The following AR variants were observed in gnomAD, a reference collection of about 807,000 sequenced individuals.
AR encodes the protein dihydrotestosterone receptor.
AR carries 8 observed loss-of-function variants against 53.9 expected under a neutral mutation model. The observed-to-expected ratio is 0.15, with a 90% confidence interval of 0.09 to 0.27. AR has a LOEUF of 0.27. Among genes scored for constraint, AR ranks in the 10% least tolerant of loss-of-function variants. The probability of loss-of-function intolerance (pLI) is 1.00; values close to 1 mark genes in which losing one functional copy is unlikely to be tolerated. For missense variants in AR, 639 were observed against 742.5 expected (o/e 0.86, Z 1.62); for synonymous variants, 359 against 316.4 (o/e 1.13, Z -1.43).
intron 1 of AR, among the ~76,000 whole-genome samples, chrX:67,585,900 A>G (rs1465341808): frequency 1.8e-5 from 2 of 111,987 alleles, no homozygotes; most frequent in Non-Finnish European, 3.8e-5. Context: ...GTGAAAAACA[A>G]AGAAAGTTAA....
rs1569265039 is a variant in AR at position 67,546,511 on chromosome X, TGGTGGCGGCGGC to T, written c.1368_1379del (p.Gly470_Gly473del). 7.8e-6 allele frequency: 4 copies of T among 510,945 alleles called. No homozygotes were observed. In the South Asian group the frequency reaches 1.9e-4, roughly 24 times the overall value. The allele number at this position is 510,945 out of a possible 1,213,427, so 42.1% of individuals were successfully genotyped here. On this transcript the variant is annotated inframe_deletion, in exon 1 of 8. Transcript: ENST00000374690. ...ATGGACCGTGTGGTGGTGGTGGGGG[TGGTGGCGGCGGC>T]GGCGGCGGCGGCGGCGGCGGCGGCG...
In AR at chrX:67,706,412, T is replaced by G. The variant is rs1453435964; in HGVS notation, c.1886-4990T>G. 3.6e-5 allele frequency among the ~76,000 whole-genome samples: 4 copies of G among 112,248 alleles called. No individual in the cohort carries two copies. The East Asian group carries it at 8.4e-4, about 23-fold the overall frequency. ...TGTCGAGGAATTTATCCATTTCTTC[T>G]AGATTTTCTAGTTTATTTGCATAGA... is the stretch of plus-strand genomic sequence containing the variant. On this transcript the variant is annotated intron_variant, in intron 3 of 7. Transcript: ENST00000374690.
Position 67,725,112 on chromosome X carries a change from C to T in AR, c.*1271C>T, listed in dbSNP as rs2076152597. 1 of 174,100 alleles carries T rather than the reference C, an allele frequency of 5.7e-6. No homozygotes were observed. Among genetic ancestry groups the T allele is most frequent in the African/African-American group, 3.0e-5 (1 of 33,882 alleles). The allele number at this position is 174,100 out of a possible 1,213,427, so 14.3% of individuals were successfully genotyped here. A position where few individuals can be genotyped will look rare whatever the true frequency, so the allele number is the denominator to read the frequency against. The stretch of plus-strand genomic sequence containing the variant: ...TGTCCTCCCTTCAGTGTTTTGTGGG[C>T]CTGAATTTCATCACACTGCATTTCA... On this transcript the variant is annotated 3_prime_UTR_variant, in exon 8 of 8. Coordinates refer to ENST00000374690, the MANE Select transcript of AR (RefSeq NM_000044.6).
chrX:67,621,669 T>A (rs1228271780), intron 1 of AR, among the ~76,000 whole-genome samples: 1 of 111,420 alleles, frequency 9.0e-6, no homozygotes, highest in Non-Finnish European at 1.9e-5. Context: ...TCATCCATGT[T>A]CTTTCAAAGG....
At chrX:67,696,604 C>T (rs979303926) in intron 3 of AR, among the ~76,000 whole-genome samples, 9 of 112,103 alleles carry the variant, frequency 8.0e-5, no homozygotes, top group African/African-American at 2.9e-4. Context: ...GGCCATTTCT[C>T]TGACCCAGAA....
chrX:67,674,196 CCT>C (rs1438501383), intron 2 of AR, among the ~76,000 whole-genome samples: 3 of 107,454 alleles, frequency 2.8e-5, no homozygotes, highest in Non-Finnish European at 5.8e-5. Flanking sequence ...TCTCTCTCTC[CCT>C]CTCATTCTCT....
intron 1 of AR, among the ~76,000 whole-genome samples, chrX:67,552,111 C>A (rs1158710416): frequency 8.9e-6 from 1 of 111,942 alleles, no homozygotes; most frequent in Non-Finnish European, 1.9e-5. Flanking sequence ...AGTTGTGCAA[C>A]CATTATTGCA....
chrX:67,631,084 A>C (rs1018597334), intron 1 of AR, among the ~76,000 whole-genome samples: 1 of 110,318 alleles, frequency 9.1e-6, no homozygotes, highest in Non-Finnish European at 1.9e-5. Flanking sequence ...TTTTTCCTTC[A>C]TTTCAACTTT....
At chrX:67,671,254 AC>A (rs1238750988) in intron 2 of AR, among the ~76,000 whole-genome samples, 1 of 111,433 alleles carries the variant, frequency 9.0e-6, no homozygotes, top group Admixed American at 9.5e-5. Context: ...TCAAATCCTC[AC>A]CAGCATCTGT....
chrX:67,629,736 T>A (rs1364176473), intron 1 of AR, among the ~76,000 whole-genome samples: 1 of 109,536 alleles, frequency 9.1e-6, no homozygotes, highest in Non-Finnish European at 1.9e-5. Flanking sequence ...TGTTAGGGTG[T>A]CAATTTTGGA....
intron 3 of AR, among the ~76,000 whole-genome samples, chrX:67,693,751 G>A (rs2076006551): frequency 9.0e-6 from 1 of 111,599 alleles, no homozygotes; most frequent in African/African-American, 3.3e-5. Context: ...AAATTGCATC[G>A]CTATCCTGCA....
rs1190539283 is a variant in AR, at chrX:67,725,163, T to G, written c.*1322T>G. ...GCCATGGTCATCAAGCCTGTTTGCTTCTTTTGGGCATGTTCACAGATTCTC... is the reference window on the plus strand; with the variant it reads ...GCCATGGTCATCAAGCCTGTTTGCTGCTTTTGGGCATGTTCACAGATTCTC... On this transcript the variant is annotated 3_prime_UTR_variant, in exon 8 of 8. Coordinates refer to ENST00000374690, the MANE Select transcript of AR (RefSeq NM_000044.6). The G allele has an allele frequency of 6.3e-5, 11 of 174,425 alleles. No homozygotes were observed. Among genetic ancestry groups the G allele is most frequent in the East Asian group, 4.9e-4 (6 of 12,336 alleles). 14.4% of individuals were successfully genotyped at this position (174,425 alleles called of 1,213,427 possible). A position where few individuals can be genotyped will look rare whatever the true frequency, so the allele number is the denominator to read the frequency against.
chrX:67,630,293 A>C (rs1204865831), intron 1 of AR, among the ~76,000 whole-genome samples: 2 of 110,982 alleles, frequency 1.8e-5, no homozygotes, highest in Admixed American at 9.5e-5. Context: ...GTAGGTCACT[A>C]AGGACTTGCT....
rs770347814 is a variant in AR at position 67,657,202 on chromosome X, A to G, written c.1768+13795A>G. On this transcript the variant is annotated intron_variant, in intron 2 of 7. Coordinates refer to ENST00000374690, the MANE Select transcript of AR (RefSeq NM_000044.6). The stretch of plus-strand genomic sequence containing the variant: ...AAGATTAGTGCTTGTTTCCCACCCA[A>G]GGATACCAGGATATTTCAGGGGCTG... Among the ~76,000 whole-genome samples the G allele has an allele frequency of 3.6e-5, 4 of 111,196 alleles. No individual in the cohort carries two copies. In the East Asian group the frequency reaches 1.1e-3, roughly 32 times the overall value.
intron 1 of AR, among the ~76,000 whole-genome samples, chrX:67,571,042 A>G (rs1028297261): frequency 2.7e-5 from 3 of 111,060 alleles, no homozygotes; most frequent in Admixed American, 9.5e-5. Flanking sequence ...TGCTGTGACC[A>G]TATAAGGAAG....
rs1657436119 is a variant in AR at position 67,544,687 on chromosome X, T to G, written c.-460T>G. 5.9e-6 allele frequency: 1 copy of G among 170,326 alleles called. No homozygotes were observed. Among genetic ancestry groups the G allele is most frequent in the African/African-American group, 3.1e-5 (1 of 32,566 alleles). The allele number at this position is 170,326 out of a possible 1,213,427, so 14.0% of individuals were successfully genotyped here. A position where few individuals can be genotyped will look rare whatever the true frequency, so the allele number is the denominator to read the frequency against. On this transcript the variant is annotated 5_prime_UTR_variant, in exon 1 of 8. Coordinates refer to ENST00000374690, the MANE Select transcript of AR (RefSeq NM_000044.6). ...CTCCTCCTGCCTTCCCCACCCCGAGTGCGGAGCCAGAGATCAAAAGATGAA... is the reference window on the plus strand; with the variant it reads ...CTCCTCCTGCCTTCCCCACCCCGAGGGCGGAGCCAGAGATCAAAAGATGAA...
chrX:67,576,786 G>A (rs1321411756), intron 1 of AR, among the ~76,000 whole-genome samples: 1 of 110,603 alleles, frequency 9.0e-6, no homozygotes, highest in Admixed American at 9.6e-5. Context: ...GGATATGGTG[G>A]AATACCTTTT....
chrX:67,646,670 T>C (rs1377975120), intron 2 of AR, among the ~76,000 whole-genome samples: 2 of 111,013 alleles, frequency 1.8e-5, no homozygotes, highest in African/African-American at 3.3e-5. Context: ...GTTTTAGTTG[T>C]GTAGACTTGG....
intron 1 of AR, among the ~76,000 whole-genome samples, chrX:67,553,420 T>C (rs1930069006): frequency 8.9e-6 from 1 of 112,247 alleles, no homozygotes; most frequent in Non-Finnish European, 1.9e-5. Flanking sequence ...ATATGTTTAT[T>C]CCTATGCCGG....
Sources: gnomAD v4.1 joint callset for allele counts (sites outside exome capture counted in the v4.1 genomes callset) on GRCh38, gnomAD v4.1.1 for gene constraint, MANE v1.5 for transcripts, NCBI Gene and HGNC (gene_info 2026-07-23, HGNC 2026-07-21) for gene names.